ADPRM: variants seen among roughly 807,000 people sequenced by gnomAD.
The protein encoded by ADPRM is ADP-ribose/CDP-alcohol diphosphatase, manganese dependent, also known as manganese-dependent ADP-ribose/CDP-alcohol diphosphatase.
ADPRM carries 17 observed loss-of-function variants against 27.2 expected under a neutral mutation model. The observed-to-expected ratio is 0.63, with a 90% CI of 0.43 to 0.94. The LOEUF (loss-of-function observed/expected upper bound fraction) is 0.94. Ranked by LOEUF, ADPRM falls within the 40% of genes least tolerant of loss-of-function variation. ADPRM has a pLI of 0.00. For missense variants in ADPRM, 337 were observed against 412.8 expected, an observed-to-expected ratio of 0.82 and a Z score of 1.59; for synonymous variants, 135 against 145.3, an observed-to-expected ratio of 0.93 and a Z score of 0.51.
chr17:10,710,574 G>C (rs1400335502), intron 3 of ADPRM, among the ~76,000 whole-genome samples: 1 of 152,168 alleles, frequency 6.6e-6, no homozygotes, highest in Non-Finnish European at 1.5e-5. Flanking sequence ...AGATGACGTA[G>C]GCCTCAGAGA....
At chr17:10,699,518 CTTTTTTT>C (rs781412834) in intron 1 of ADPRM, among the ~76,000 whole-genome samples, 13 of 113,320 alleles carry the variant, frequency 1.1e-4, no homozygotes, top group South Asian at 2.9e-4. Context: ...TCTTTTCTTT[CTTTTTTT>C]TTTTTTTTTT....
intron 1 of ADPRM, chr17:10,698,489 A>C (rs2074750786): frequency 6.6e-6 from 1 of 152,210 alleles, no homozygotes; most frequent in African/African-American, 2.4e-5. Context: ...GAGAAATAAA[A>C]AAAGGAAAAT....
At chr17:10,701,484 C>G (rs1184966228) in intron 1 of ADPRM, among the ~76,000 whole-genome samples, 1 of 152,056 alleles carries the variant, frequency 6.6e-6, no homozygotes, top group Non-Finnish European at 1.5e-5. Context: ...GCGCCTGCCA[C>G]CACACCCGGC....
intron 1 of ADPRM, among the ~76,000 whole-genome samples, chr17:10,699,712 TTAG>T (rs1362059332): frequency 6.6e-6 from 1 of 151,994 alleles, no homozygotes; most frequent in Non-Finnish European, 1.5e-5. Context: ...ATATATATTT[TTAG>T]TAGAGACAGT....
rs1048440075 is a variant in ADPRM at position 10,702,224 on chromosome 17, A to ATC, written c.-17-2680_-17-2679dup. Among the ~76,000 whole-genome samples, 26 of 152,308 alleles carry ATC rather than the reference A, an allele frequency of 1.7e-4. No individual in the cohort carries two copies. The highest frequency in any genetic ancestry group is 5.1e-4 in the African/African-American group (21 of 41,572). On this transcript the variant is annotated intron_variant, in intron 1 of 3. Transcript: ENST00000379774. The surrounding 1 kb of genome is among the most constrained non-coding windows in gnomAD (Gnocchi z 4.2). ...AAGCCATGTATATTCAACACTTTGG[A>ATC]TCTCTCTTTTTACCCCAGAACACAT...
rs750967584 is a variant in ADPRM at position 10,710,902 on chromosome 17, G to T, written c.787G>T (p.Ala263Ser). 2 of 1,614,176 alleles carry T rather than the reference G, an allele frequency of 1.2e-6. No individual in the cohort carries two copies. The highest frequency in any genetic ancestry group is 1.7e-5 in the Admixed American group (1 of 60,018). The change falls in exon 4 of 4, where the codon GCA becomes TCA. Residue 263 changes from alanine (A) to serine (S), a missense_variant. By Grantham distance (99) the Ala-to-Ser change is moderately conservative. Transcript: ENST00000379774. Reference protein sequence around the residue: ...CLAWNYRDALAVIWSHECVVC... With the variant: ...CLAWNYRDALSVIWSHECVVC... Reference sequence around the variant, plus strand: ...GGCCTGGAACTACAGAGATGCCCTGGCAGTCATTTGGTCTCATGAGTGTGT... The same window carrying T: ...GGCCTGGAACTACAGAGATGCCCTGTCAGTCATTTGGTCTCATGAGTGTGT...
At chr17:10,706,229 C>A (rs559500158) in intron 2 of ADPRM, among the ~76,000 whole-genome samples, 1 of 151,740 alleles carries the variant, frequency 6.6e-6, no homozygotes, top group Non-Finnish European at 1.5e-5. Context: ...GGAAAGCCAG[C>A]GAAGTAAGCA....
chr17:10,706,584 A>G (rs1157086609), intron 3 of ADPRM, 30 bp downstream of exon 3: 1 of 1,450,634 alleles, frequency 6.9e-7, no homozygotes. Flanking sequence ...GATTACACTA[A>G]CATTTTAGAG....
At chr17:10,699,345 T>C (rs1387138115) in intron 1 of ADPRM, 1 of 152,084 alleles carries the variant, frequency 6.6e-6, no homozygotes, top group Non-Finnish European at 1.5e-5. Flanking sequence ...TTTGGATGAA[T>C]TGCTAGTAAC....
chr17:10,707,528 T>C (rs2151464056), intron 3 of ADPRM, among the ~76,000 whole-genome samples: 1 of 140,860 alleles, frequency 7.1e-6, no homozygotes, highest in Middle Eastern at 3.5e-3. Flanking sequence ...TTACCAGGGC[T>C]TGGATCCTTT....
In ADPRM at chr17:10,705,304, T is replaced by G; in HGVS notation, c.378T>G (p.Leu126=). 6.2e-7 allele frequency: 1 copy of G among 1,613,980 alleles called. No individual in the cohort carries two copies. Residue 126 remains leucine (L), a synonymous_variant, in exon 2 of 4, where the codon CTT becomes CTG. Transcript: ENST00000379774. The surrounding 1 kb of genome is among the most constrained non-coding windows in gnomAD (Gnocchi z 5.4). ...FSREYLTHSK[L]NTKFLEDQIV... ...GAGAGTATTTAACACACTCTAAACT[T>G]AACACTAAGTTTCTAGAAGATCAGA...
intron 3 of ADPRM, 132 bp downstream of exon 3, chr17:10,706,686 A>G (rs1027150117): frequency 2.4e-4 from 131 of 544,256 alleles, no homozygotes; most frequent in Non-Finnish European, 2.8e-4. Flanking sequence ...AAAAATTTCT[A>G]TTGAGAAACC....
intron 3 of ADPRM, among the ~76,000 whole-genome samples, chr17:10,707,532 A>T (rs1289001046): frequency 7.5e-6 from 1 of 132,858 alleles, no homozygotes; most frequent in Non-Finnish European, 1.6e-5. Flanking sequence ...CAGGGCTTGG[A>T]TCCTTTCCTC....
intron 3 of ADPRM, among the ~76,000 whole-genome samples, chr17:10,709,480 G>A (rs981266330): frequency 6.6e-6 from 1 of 152,108 alleles, no homozygotes; most frequent in African/African-American, 2.4e-5. Flanking sequence ...GGGGAAATGA[G>A]GGGGAACCAG....
chr17:10,701,767 C>A (rs2520152), intron 1 of ADPRM, among the ~76,000 whole-genome samples: 9,111 of 152,196 alleles, frequency 0.06, 881 homozygotes, highest in African/African-American at 0.2. Flanking sequence ...ATTTTGAAAA[C>A]ATTTCCTGAC....
At chr17:10,708,545 T>C (rs1331109957) in intron 3 of ADPRM, among the ~76,000 whole-genome samples, 2 of 151,982 alleles carry the variant, frequency 1.3e-5, no homozygotes, top group African/African-American at 4.8e-5. Context: ...TCCACTGATG[T>C]GGTAAAAACA....
At chr17:10,698,477 C>G (rs1375925525) in intron 1 of ADPRM, 1 of 151,980 alleles carries the variant, frequency 6.6e-6, no homozygotes, top group East Asian at 1.9e-4. Flanking sequence ...TTACAAAATA[C>G]AGAGAAATAA....
In ADPRM at chr17:10,711,039, C is replaced by G; in HGVS notation, c.924C>G (p.Ala308=). 6.2e-7 allele frequency: 1 copy of G among 1,614,110 alleles called. No individual in the cohort carries two copies. Among genetic ancestry groups the G allele is most frequent in the South Asian group, 1.1e-5 (1 of 91,080 alleles). ...TTGAAACAGCTCCAGACAGCCAAGC[C>G]TTTGGCACAGTTCATGTCTATCCTG... ...GVIETAPDSQ[A]FGTVHVYPDK... The change falls in exon 4 of 4, where the codon GCC becomes GCG. Residue 308 remains alanine, a synonymous_variant. Coordinates refer to ENST00000379774, the MANE Select transcript of ADPRM (RefSeq NM_020233.5).
intron 3 of ADPRM, among the ~76,000 whole-genome samples, chr17:10,709,422 A>G (rs2074835996): frequency 6.6e-6 from 1 of 152,216 alleles, no homozygotes; most frequent in African/African-American, 2.4e-5. Flanking sequence ...TTCAGTATAA[A>G]TAGAGAAGTC....
Sources: allele counts gnomAD v4.1 joint callset (sites outside exome capture counted in the v4.1 genomes callset), GRCh38; gene constraint gnomAD v4.1.1; non-coding constraint Gnocchi (gnomAD v3.1); transcripts MANE v1.5; gene names NCBI Gene and HGNC (gene_info 2026-07-23, HGNC 2026-07-21).